The following FRMPD1 variants were observed in gnomAD, a reference collection of about 807,000 sequenced individuals.
FRMPD1 encodes the protein FERM and PDZ domain containing 1, also known as FERM and PDZ domain-containing protein 1.
In FRMPD1, 76 loss-of-function variants were observed where a neutral mutation model predicts 117.8. The ratio of observed to expected loss-of-function variants is 0.65; its 90% CI spans 0.54 to 0.78. FRMPD1 has a LOEUF of 0.78. Ranked by LOEUF, FRMPD1 falls within the 30% of genes least tolerant of loss-of-function variation. The probability of loss-of-function intolerance (pLI) is 0.00; values close to 1 mark genes in which losing one functional copy is unlikely to be tolerated. For synonymous variants in FRMPD1, 783 were observed against 770.4 expected (o/e 1.02, Z -0.27); for missense variants, 1,786 against 1,964.5 (o/e 0.91, Z 1.72).
intron 6 of FRMPD1, 135 bp from the exon 7 acceptor site, chr9:37,724,090 G>A (rs550137613): frequency 4.2e-6 from 2 of 480,918 alleles, no homozygotes; most frequent in East Asian, 3.1e-5. Flanking sequence ...TGGGAGAGTC[G>A]CTTGAACCTG....
At chr9:37,655,101 G>T (rs1820800487) in intron 1 of FRMPD1, among the ~76,000 whole-genome samples, 1 of 152,158 alleles carries the variant, frequency 6.6e-6, no homozygotes, top group East Asian at 1.9e-4. Context: ...TTGCTGCGGG[G>T]TACCCTTCAG....
At chr9:37,667,139 C>T (rs1449514835) in intron 1 of FRMPD1, among the ~76,000 whole-genome samples, 4 of 143,320 alleles carry the variant, frequency 2.8e-5, no homozygotes, top group African/African-American at 7.9e-5. Flanking sequence ...CCTTGGCTTA[C>T]TGCAACTGCT....
rs1201488334 is a variant in FRMPD1, at chr9:37,740,803, C to T, written c.2275C>T (p.Pro759Ser). Residue 759 changes from proline to serine, a missense_variant, in exon 15 of 16, where the codon CCA becomes TCA. Transcript: ENST00000377765. This position sits in a 1 kb window ranked among gnomAD's most constrained non-coding sequence, Gnocchi z 4.2. Reference protein sequence around the residue: ...SMLEPLALHPPLAFEDGSSDE... With the variant: ...SMLEPLALHPSLAFEDGSSDE... Reference sequence around the variant, plus strand: ...GCTGGAACCCCTGGCCCTGCACCCACCACTGGCCTTTGAGGATGGCAGCTC... The same window carrying T: ...GCTGGAACCCCTGGCCCTGCACCCATCACTGGCCTTTGAGGATGGCAGCTC... The T allele has an allele frequency of 2.5e-6, 4 of 1,614,160 alleles. No individual in the cohort carries two copies. The highest frequency in any genetic ancestry group is 3.4e-6 in the Non-Finnish European group (4 of 1,179,980).
At chr9:37,691,508 G>A (rs1822137875) in intron 1 of FRMPD1, among the ~76,000 whole-genome samples, 2 of 152,246 alleles carry the variant, frequency 1.3e-5, no homozygotes, top group African/African-American at 4.8e-5. Context: ...AATTATGTAA[G>A]ATGTTAATAT....
rs761889805 is a variant in FRMPD1, at chr9:37,729,743, G to T, written c.628G>T (p.Val210Leu). ...TGCCTGCTAGGACATCATCCTCACC[G>T]TGAAGGAGAAGCTGTCCATCCGAAG... The part of the protein sequence containing the change: ...NTTVKDIILT[V>L]KEKLSIRSIE... Residue 210 changes from valine (V) to leucine (L), a missense_variant, in exon 8 of 16, where the codon GTG (valine) becomes TTG (leucine). Transcript: ENST00000377765. The T allele has an allele frequency of 1.2e-6, 2 of 1,613,976 alleles. No individual in the cohort carries two copies. The highest frequency in any genetic ancestry group is 2.2e-5 in the South Asian group (2 of 91,076).
chr9:37,698,549 C>CTTTTTTTTTTTTTT (rs531498194), intron 2 of FRMPD1, among the ~76,000 whole-genome samples: 1 of 74,600 alleles, frequency 1.3e-5, no homozygotes, highest in African/African-American at 6.7e-5. Flanking sequence ...ATCTCATTAT[C>CTTTTTTTTTTTTTT]TTTTTTTTTT....
At chr9:37,668,238 TG>T (rs1447788183) in intron 1 of FRMPD1, 16 of 152,300 alleles carry the variant, frequency 1.1e-4, no homozygotes, top group African/African-American at 3.8e-4. Context: ...GTGCCTGTCG[TG>T]CTGAAAGGAG....
chr9:37,625,408 C>T, the FRMPD1 span, among the ~76,000 whole-genome samples: 1 of 152,126 alleles, frequency 6.6e-6, no homozygotes, highest in Non-Finnish European at 1.5e-5. Context: ...GAAATGCAGG[C>T]AGAGAGCTCC....
the FRMPD1 span, among the ~76,000 whole-genome samples, chr9:37,644,440 G>A: frequency 6.6e-6 from 1 of 152,164 alleles, no homozygotes; most frequent in African/African-American, 2.4e-5. Context: ...TTGTCTGTGT[G>A]GGATTGGGCT....
chr9:37,658,028 A>G (rs868715443), intron 1 of FRMPD1, among the ~76,000 whole-genome samples: 18 of 152,090 alleles, frequency 1.2e-4, no homozygotes, highest in Non-Finnish European at 4.4e-5. Flanking sequence ...CCACACACAA[A>G]AAATCCATTT....
the FRMPD1 span, among the ~76,000 whole-genome samples, chr9:37,613,000 A>G: frequency 1.6e-4 from 25 of 152,342 alleles, no homozygotes; most frequent in Non-Finnish European, 3.5e-4. Flanking sequence ...TAATGGCTAG[A>G]GCAGTTCAAC....
chr9:37,679,033 C>T (rs2117908270), intron 1 of FRMPD1, among the ~76,000 whole-genome samples: 1 of 152,354 alleles, frequency 6.6e-6, no homozygotes. Flanking sequence ...GATCCCCCTT[C>T]TTCTGAGCCC....
At chr9:37,711,095 G>A (rs548370832) in intron 4 of FRMPD1, among the ~76,000 whole-genome samples, 26 of 152,156 alleles carry the variant, frequency 1.7e-4, no homozygotes, top group Non-Finnish European at 2.2e-4. Flanking sequence ...CTAGATGGTA[G>A]AGGTGAACTT....
At chr9:37,613,179 T>C in the FRMPD1 span, among the ~76,000 whole-genome samples, 1 of 152,208 alleles carries the variant, frequency 6.6e-6, no homozygotes, top group Non-Finnish European at 1.5e-5. Context: ...AGGCAAGTAG[T>C]GTGCTCCTAG....
rs1821059993 is a variant in FRMPD1 at position 37,663,469 on chromosome 9, G to A, written c.-5+12375G>A. Among the ~76,000 whole-genome samples the A allele has an allele frequency of 3.3e-5, 5 of 152,132 alleles. No individual in the cohort carries two copies. In the South Asian group the frequency reaches 1.0e-3, roughly 32 times the overall value. ...TCATCCTCCAGCCTGTTGTTCTCAT[G>A]CCTTAATAATGAAAACATTTCTTCA... On this transcript the variant is annotated intron_variant, in intron 1 of 15. Coordinates refer to ENST00000377765, the MANE Select transcript of FRMPD1 (RefSeq NM_014907.3).
At chr9:37,719,009 A>C in intron 5 of FRMPD1, 60 bp from the exon 6 acceptor site, 1 of 952,480 alleles carries the variant, frequency 1.0e-6, no homozygotes, top group Non-Finnish European at 1.7e-6. Flanking sequence ...ATGAGAAGAT[A>C]GATATACCTG....
At chr9:37,683,059 T>C (rs1012157211) in intron 1 of FRMPD1, among the ~76,000 whole-genome samples, 1 of 152,224 alleles carries the variant, frequency 6.6e-6, no homozygotes, top group Non-Finnish European at 1.5e-5. Flanking sequence ...CCCACTGCCT[T>C]CGCAACCACT....
chr9:37,685,437 A>G (rs1009764533), intron 1 of FRMPD1, among the ~76,000 whole-genome samples: 11 of 151,944 alleles, frequency 7.2e-5, no homozygotes, highest in Admixed American at 5.2e-4. Flanking sequence ...AAGTCAGGAG[A>G]TCGAGACTAT....
chr9:37,745,136 A>G lies in FRMPD1; in HGVS notation c.3104A>G (p.Asn1035Ser), dbSNP rs1378334326. 1.2e-6 allele frequency: 2 copies of G among 1,613,930 alleles called. No homozygotes were observed. The highest frequency in any genetic ancestry group is 1.7e-6 in the Non-Finnish European group (2 of 1,179,998). Residue 1035 changes from asparagine (N) to serine (S), a missense_variant, in exon 16 of 16, where the codon AAT (asparagine) becomes AGT (serine). Asn to Ser is a conservative substitution (Grantham distance 46). Coordinates refer to ENST00000377765, the MANE Select transcript of FRMPD1 (RefSeq NM_014907.3). ...CTGGCCAGCAACCCAGGACTAAATA[A>G]TGTCTCTCAAGGAGACACACTAGAG... The part of the protein sequence containing the change: ...ACLASNPGLN[N>S]VSQGDTLELQ...
Sources: gnomAD v4.1 joint callset for allele counts (sites outside exome capture counted in the v4.1 genomes callset) on GRCh38, gnomAD v4.1.1 for gene constraint, Gnocchi (gnomAD v3.1) non-coding constraint, MANE v1.5 for transcripts, NCBI Gene and HGNC (gene_info 2026-07-23, HGNC 2026-07-21) for gene names.